Variants in PTPN4 observed in about 807,000 individuals in gnomAD.
The protein encoded by PTPN4 is protein tyrosine phosphatase non-receptor type 4.
Under a neutral mutation model 135.5 loss-of-function variants are expected in PTPN4, and 49 were observed. That is an observed-to-expected ratio of 0.36 (90% CI 0.29 to 0.46). The LOEUF is 0.46. Ranked by LOEUF, PTPN4 falls within the 20% of genes least tolerant of loss-of-function variation. The pLI is 1.00. For synonymous variants in PTPN4, 333 were observed against 369.9 expected (o/e 0.90, Z 1.14); for missense variants, 860 against 1,101.0 (o/e 0.78, Z 3.10).
At position 119,942,361 on chromosome 2, in the gene PTPN4, C is replaced by T. The variant is rs112227664; in HGVS notation, c.1356-2720C>T. On this transcript the variant is annotated intron_variant, in intron 15 of 26. Transcript: ENST00000263708. ...CCGATAGGCCCATACAGGTTTGGCTCACTTAGATATACCACTGCTGATCAG... is the reference window on the plus strand; with the variant it reads ...CCGATAGGCCCATACAGGTTTGGCTTACTTAGATATACCACTGCTGATCAG... Among the ~76,000 whole-genome samples the T allele has an allele frequency of 2.6e-5, 4 of 152,202 alleles. 1 individual carries two copies. The highest frequency in any genetic ancestry group is 9.6e-5 in the African/African-American group (4 of 41,522).
At chr2:119,827,750 A>G (rs1677165720) in intron 2 of PTPN4, among the ~76,000 whole-genome samples, 2 of 151,992 alleles carry the variant, frequency 1.3e-5, no homozygotes, top group Admixed American at 6.6e-5. Flanking sequence ...ATTATAGTCT[A>G]GTTTTGTTTT....
intron 3 of PTPN4, among the ~76,000 whole-genome samples, chr2:119,871,197 C>T (rs1677904412): frequency 6.7e-6 from 1 of 149,164 alleles, no homozygotes; most frequent in African/African-American, 2.5e-5. Context: ...TACAGATTCA[C>T]ACTACCTGTT....
At chr2:119,884,032 A>G (rs945809568) in intron 8 of PTPN4, among the ~76,000 whole-genome samples, 2 of 152,102 alleles carry the variant, frequency 1.3e-5, no homozygotes, top group African/African-American at 4.8e-5. Context: ...CCCGGTAGCC[A>G]GGACTACAGG....
chr2:119,913,327 C>G (rs1006622749), intron 10 of PTPN4, among the ~76,000 whole-genome samples: 1 of 152,150 alleles, frequency 6.6e-6, no homozygotes, highest in African/African-American at 2.4e-5. Context: ...TCTCCAGATT[C>G]TCACCAGCAC....
intron 2 of PTPN4, among the ~76,000 whole-genome samples, chr2:119,814,696 G>A (rs984321728): frequency 1.3e-4 from 20 of 151,992 alleles, no homozygotes; most frequent in African/African-American, 3.6e-4. Context: ...AGTGTGCCTT[G>A]AGCAAACATT....
chr2:119,900,844 T>C lies in PTPN4; in HGVS notation c.764+38T>C, dbSNP rs776597390. 10 of 1,162,314 alleles carry C rather than the reference T, an allele frequency of 8.6e-6. No homozygotes were observed. In the African/African-American group the frequency reaches 1.4e-4, roughly 17 times the overall value. 72.0% of individuals were successfully genotyped at this position (1,162,314 alleles called of 1,614,324 possible). On this transcript the variant is annotated intron_variant, in intron 10 of 26. Coordinates refer to ENST00000263708, the MANE Select transcript of PTPN4 (RefSeq NM_002830.4). ...ATTGATACTTTTATGTTTACCACTG[T>C]ATTACTAAATATAATAATTTATATT...
At chr2:119,847,789 A>C (rs1262193043) in intron 2 of PTPN4, among the ~76,000 whole-genome samples, 1 of 152,146 alleles carries the variant, frequency 6.6e-6, no homozygotes, top group African/African-American at 2.4e-5. Flanking sequence ...CTCAGTATTC[A>C]TTTATGTGGA....
At chr2:119,798,942 A>G (rs1294932888) in intron 1 of PTPN4, among the ~76,000 whole-genome samples, 1 of 152,228 alleles carries the variant, frequency 6.6e-6, no homozygotes, top group Non-Finnish European at 1.5e-5. Context: ...GGTGGAAAAT[A>G]TACTGTTGAT....
chr2:119,843,405 G>T (rs1267573069), intron 2 of PTPN4, among the ~76,000 whole-genome samples: 23 of 140,790 alleles, frequency 1.6e-4, no homozygotes, highest in Non-Finnish European at 2.9e-4. Flanking sequence ...ACACAGACAC[G>T]GCAACCATCC....
intron 3 of PTPN4, among the ~76,000 whole-genome samples, chr2:119,865,756 G>A (rs1677825543): frequency 6.6e-6 from 1 of 151,952 alleles, no homozygotes; most frequent in Admixed American, 6.6e-5. Context: ...GCACATGTAT[G>A]TATATATTAT....
At chr2:119,839,722 C>A (rs1268080610) in intron 2 of PTPN4, among the ~76,000 whole-genome samples, 1 of 152,108 alleles carries the variant, frequency 6.6e-6, no homozygotes, top group Non-Finnish European at 1.5e-5. Flanking sequence ...TAAATATCAA[C>A]AAATGTGAAA....
intron 1 of PTPN4, among the ~76,000 whole-genome samples, chr2:119,789,131 G>A (rs1574334562): frequency 6.6e-6 from 1 of 151,200 alleles, no homozygotes. Context: ...AAATAAGTGT[G>A]AGGTGGGTAT....
At chr2:119,799,243 C>T (rs1026868360) in intron 1 of PTPN4, among the ~76,000 whole-genome samples, 3 of 152,148 alleles carry the variant, frequency 2.0e-5, no homozygotes, top group Admixed American at 1.3e-4. Context: ...TATTTTTAAC[C>T]TCCATAAGTG....
At position 119,979,619 on chromosome 2, in the gene PTPN4, G is replaced by C. The variant is rs1679663426; in HGVS notation, c.*2549G>C. 1 of 152,002 alleles carries C rather than the reference G, an allele frequency of 6.6e-6. No individual in the cohort carries two copies. Among genetic ancestry groups the C allele is most frequent in the Non-Finnish European group, 1.5e-5 (1 of 67,960 alleles). The allele number at this position is 152,002 out of a possible 1,614,324, so 9.4% of individuals were successfully genotyped here. On this transcript the variant is annotated 3_prime_UTR_variant, in exon 27 of 27. Transcript: ENST00000263708. ...ATTACATCTAAGAACTTTTTAACCTGTATATCAATCTAAATAGGTTTCTAG... is the reference window on the plus strand; with the variant it reads ...ATTACATCTAAGAACTTTTTAACCTCTATATCAATCTAAATAGGTTTCTAG...
chr2:119,951,729 G>A (rs1679214398), intron 18 of PTPN4, among the ~76,000 whole-genome samples: 1 of 152,162 alleles, frequency 6.6e-6, no homozygotes, highest in Non-Finnish European at 1.5e-5. Context: ...GAAATCATCA[G>A]TCTTATTTGT....
intron 26 of PTPN4, among the ~76,000 whole-genome samples, chr2:119,975,757 A>G (rs1679606014): frequency 6.6e-6 from 1 of 152,190 alleles, no homozygotes; most frequent in South Asian, 2.1e-4. Flanking sequence ...GCTCTCCTCT[A>G]TATGGTTGTC....
intron 1 of PTPN4, among the ~76,000 whole-genome samples, chr2:119,801,644 TTTG>T (rs1301356057): frequency 2.0e-5 from 3 of 152,126 alleles, no homozygotes; most frequent in Non-Finnish European, 2.9e-5. Flanking sequence ...ACCTAAGTAT[TTTG>T]TTTTTTGTTT....
chr2:119,941,529 A>C (rs1297560087), intron 15 of PTPN4, among the ~76,000 whole-genome samples: 2 of 152,074 alleles, frequency 1.3e-5, no homozygotes, highest in African/African-American at 4.8e-5. Context: ...GTGAGAGTAC[A>C]TAATTAAATT....
chr2:119,974,049 A>G (rs571236896), intron 26 of PTPN4, among the ~76,000 whole-genome samples: 1 of 152,182 alleles, frequency 6.6e-6, no homozygotes, highest in African/African-American at 2.4e-5. Context: ...CAAGAAAAAC[A>G]TTTGATTCTT....
Sources: gnomAD v4.1 joint callset for allele counts (sites outside exome capture counted in the v4.1 genomes callset) on GRCh38, gnomAD v4.1.1 for gene constraint, MANE v1.5 for transcripts, NCBI Gene and HGNC (gene_info 2026-07-23, HGNC 2026-07-21) for gene names.